Variants in ITGB5 observed in about 807,000 individuals in gnomAD.
ITGB5 encodes integrin subunit beta 5.
Under a neutral mutation model 84.8 loss-of-function variants are expected in ITGB5, and 38 were observed. The ratio of observed to expected loss-of-function variants is 0.45; its 90% CI spans 0.35 to 0.59. The LOEUF is 0.59. Among genes scored for constraint, ITGB5 ranks in the 20% least tolerant of loss-of-function variants. ITGB5 has a pLI of 0.01. For synonymous variants in ITGB5, 393 were observed against 414.4 expected, an observed-to-expected ratio of 0.95 and a Z score of 0.63; for missense variants, 905 against 1,034.5, an observed-to-expected ratio of 0.87 and a Z score of 1.72.
intron 1 of ITGB5, among the ~76,000 whole-genome samples, chr3:124,899,729 C>T (rs1215458852): frequency 1.3e-5 from 2 of 151,592 alleles, no homozygotes; most frequent in African/African-American, 4.8e-5. Context: ...GTGGCATTCA[C>T]CTGTGGTCCC....
chr3:124,878,276 A>C (rs1934414445), intron 1 of ITGB5, among the ~76,000 whole-genome samples: 2 of 152,226 alleles, frequency 1.3e-5, no homozygotes, highest in Non-Finnish European at 2.9e-5. Context: ...TGCAGATCAG[A>C]CTGAGCTCTG....
chr3:124,839,132 T>A (rs1036346016), intron 5 of ITGB5, among the ~76,000 whole-genome samples: 1 of 152,208 alleles, frequency 6.6e-6, no homozygotes, highest in African/African-American at 2.4e-5. Context: ...TGGAGGCACA[T>A]TGGCTGCATA....
chr3:124,814,126 C>A (rs924031298), intron 8 of ITGB5, among the ~76,000 whole-genome samples: 2 of 152,156 alleles, frequency 1.3e-5, no homozygotes, highest in African/African-American at 4.8e-5. Flanking sequence ...GAACTAGGGG[C>A]AGAGACCTAT....
At chr3:124,816,132 G>C (rs2064587252) in intron 8 of ITGB5, among the ~76,000 whole-genome samples, 1 of 152,130 alleles carries the variant, frequency 6.6e-6, no homozygotes, top group African/African-American at 2.4e-5. Context: ...AAGAAAGGGG[G>C]TAAAAACAAG....
rs756216719 is a variant in ITGB5 at position 124,766,302 on chromosome 3, G to A, written c.2061C>T (p.Ala687=). The A allele has an allele frequency of 6.2e-7, 1 of 1,614,146 alleles. No individual in the cohort carries two copies. The highest frequency in any genetic ancestry group is 8.5e-7 in the Non-Finnish European group (1 of 1,180,022). ...QEAVLCFYKT[A]KDCVMMFTYV... is the part of the protein sequence containing the mutation. The stretch of plus-strand genomic sequence containing the variant: ...AGGTGAACATCATGACGCAGTCCTT[G>A]GCGGTTTTGTAGAAACATAGCACAG... Residue 687 remains alanine, a synonymous_variant, in exon 13 of 15, where the codon GCC becomes GCT. Transcript: ENST00000296181.
chr3:124,783,323 A>G (rs2064033842), intron 10 of ITGB5, among the ~76,000 whole-genome samples: 1 of 149,392 alleles, frequency 6.7e-6, no homozygotes, highest in Non-Finnish European at 1.5e-5. Context: ...AGAGAGAGAG[A>G]GAGATTAAAC....
intron 10 of ITGB5, among the ~76,000 whole-genome samples, chr3:124,784,538 G>A (rs549851552): frequency 3.9e-5 from 6 of 152,336 alleles, no homozygotes; most frequent in Admixed American, 3.9e-4. Flanking sequence ...CCGATGCCCA[G>A]CTGCCATGTC....
chr3:124,808,806 G>A (rs113044610), intron 9 of ITGB5, among the ~76,000 whole-genome samples: 9 of 152,210 alleles, frequency 5.9e-5, no homozygotes, highest in East Asian at 3.8e-4. Context: ...GTAGCAATGC[G>A]CTGAGGGCTG....
intron 10 of ITGB5, among the ~76,000 whole-genome samples, chr3:124,782,271 G>A (rs752778134): frequency 2.6e-5 from 4 of 152,182 alleles, no homozygotes; most frequent in Non-Finnish European, 5.9e-5. Flanking sequence ...AAACCACACA[G>A]CAGGTAGGTG....
chr3:124,845,050 C>A (rs1309536357), intron 4 of ITGB5, among the ~76,000 whole-genome samples: 3 of 152,212 alleles, frequency 2.0e-5, no homozygotes, highest in African/African-American at 7.2e-5. Context: ...AAAAACAATT[C>A]ATGAAGGCAT....
intron 1 of ITGB5, among the ~76,000 whole-genome samples, chr3:124,897,110 G>A (rs1935118650): frequency 6.6e-6 from 1 of 152,064 alleles, no homozygotes; most frequent in Admixed American, 6.6e-5. Context: ...TTCCTCCAAA[G>A]GCCCTATCCC....
At chr3:124,839,982 G>C (rs947576046) in intron 5 of ITGB5, among the ~76,000 whole-genome samples, 1 of 152,268 alleles carries the variant, frequency 6.6e-6, no homozygotes, top group African/African-American at 2.4e-5. Context: ...GAGAATGGCA[G>C]ATGGCTGTTG....
intron 11 of ITGB5, among the ~76,000 whole-genome samples, chr3:124,772,003 C>T (rs187681502): frequency 3.0e-4 from 45 of 152,242 alleles, no homozygotes; most frequent in African/African-American, 1.0e-3. Context: ...AGCTTGACCC[C>T]AACTCCCCAT....
intron 5 of ITGB5, among the ~76,000 whole-genome samples, chr3:124,830,315 G>A (rs535622319): frequency 6.6e-6 from 1 of 152,316 alleles, no homozygotes; most frequent in African/African-American, 2.4e-5. Context: ...CACCCATATG[G>A]TAAGGTGGCT....
In ITGB5 at chr3:124,825,184, G is replaced by A. The variant is rs559209539; in HGVS notation, c.781-3710C>T. 2.8e-5 allele frequency among the ~76,000 whole-genome samples: 4 copies of A among 143,738 alleles called. No homozygotes were observed. In the South Asian group the frequency reaches 6.8e-4, roughly 24 times the overall value. 94.3% of individuals were successfully genotyped at this position (143,738 alleles called of 152,430 possible). On this transcript the variant is annotated intron_variant, in intron 5 of 14. Transcript: ENST00000296181. ...TGCACTCCAGCCTGGGCAACAGAGC[G>A]AGACTCCGTCTCAAAAAAAAAAAAA...
chr3:124,832,233 A>C (rs773877368), intron 5 of ITGB5, among the ~76,000 whole-genome samples: 8 of 152,204 alleles, frequency 5.3e-5, no homozygotes, highest in Non-Finnish European at 1.0e-4. Flanking sequence ...TCTCTTTGGA[A>C]GCACACTCTT....
At chr3:124,853,687 T>C (rs1009940760) in intron 3 of ITGB5, among the ~76,000 whole-genome samples, 4 of 152,202 alleles carry the variant, frequency 2.6e-5, no homozygotes, top group Non-Finnish European at 1.5e-5. Context: ...AAATAGGGGC[T>C]GGCAGGAAAC....
chr3:124,793,274 TAGGGTGA>T (rs568244727), intron 10 of ITGB5, among the ~76,000 whole-genome samples: 1 of 152,308 alleles, frequency 6.6e-6, no homozygotes, highest in African/African-American at 2.4e-5. Flanking sequence ...CGCAGGCTTC[TAGGGTGA>T]AGACATACCA....
At chr3:124,843,435 G>C (rs2065036691) in intron 4 of ITGB5, among the ~76,000 whole-genome samples, 1 of 152,222 alleles carries the variant, frequency 6.6e-6, no homozygotes, top group African/African-American at 2.4e-5. Flanking sequence ...AACCAGGAAA[G>C]CTGTGACAAA....
Sources: allele counts gnomAD v4.1 joint callset (sites outside exome capture counted in the v4.1 genomes callset), GRCh38; gene constraint gnomAD v4.1.1; transcripts MANE v1.5; gene names NCBI Gene and HGNC (gene_info 2026-07-23, HGNC 2026-07-21).